PSTPIP2: variants seen among roughly 807,000 people sequenced by gnomAD.
PSTPIP2 encodes proline-serine-threonine phosphatase interacting protein 2, also known as proline-serine-threonine phosphatase-interacting protein 2.
In PSTPIP2, 33 loss-of-function variants were observed where a neutral mutation model predicts 63.3. The observed-to-expected ratio is 0.52, with a 90% confidence interval of 0.40 to 0.70. PSTPIP2 has a LOEUF of 0.70. Among genes scored for constraint, PSTPIP2 ranks in the 30% least tolerant of loss-of-function variants. The pLI, the probability that PSTPIP2 is intolerant of heterozygous loss-of-function variation, is 0.00. For missense variants in PSTPIP2, 312 were observed against 400.7 expected (o/e 0.78, Z 1.89); for synonymous variants, 125 against 132.7 (o/e 0.94, Z 0.40).
chr18:46,019,908 T>C (rs1380788078), intron 3 of PSTPIP2, among the ~76,000 whole-genome samples: 1 of 152,148 alleles, frequency 6.6e-6, no homozygotes, highest in East Asian at 1.9e-4. Flanking sequence ...CTTCAAAGAA[T>C]AGGAAAAAAA....
chr18:46,021,877 GA>G (rs1907373594), intron 3 of PSTPIP2, among the ~76,000 whole-genome samples: 1 of 66,856 alleles, frequency 1.5e-5, no homozygotes, highest in Non-Finnish European at 3.0e-5. Flanking sequence ...AAAAAAAAAA[GA>G]ACTGAAAATT....
At chr18:46,060,026 C>T (rs547008336) in intron 1 of PSTPIP2, among the ~76,000 whole-genome samples, 27 of 152,158 alleles carry the variant, frequency 1.8e-4, no homozygotes, top group Non-Finnish European at 2.9e-4. Flanking sequence ...AGTGAAACTC[C>T]GTCTCAAAAA....
intron 4 of PSTPIP2, among the ~76,000 whole-genome samples, chr18:46,013,284 GGAA>G (rs1339954637): frequency 6.6e-6 from 1 of 152,044 alleles, no homozygotes. Flanking sequence ...AGTTACGGAG[GGAA>G]GAAGACACCT....
At chr18:46,051,700 G>A (rs893933160) in intron 1 of PSTPIP2, among the ~76,000 whole-genome samples, 13 of 152,152 alleles carry the variant, frequency 8.5e-5, no homozygotes, top group Non-Finnish European at 1.8e-4. Context: ...CCAGGGACAT[G>A]AGAAATTCAA....
At chr18:46,004,563 G>A (rs947552348) in intron 6 of PSTPIP2, among the ~76,000 whole-genome samples, 2 of 151,972 alleles carry the variant, frequency 1.3e-5, no homozygotes, top group Non-Finnish European at 2.9e-5. Flanking sequence ...ATAGTAACAG[G>A]GTAAAATTGC....
chr18:46,005,404 T>A, intron 6 of PSTPIP2, 65 bp downstream of exon 6: 1 of 1,323,430 alleles, frequency 7.6e-7, no homozygotes, highest in South Asian at 1.3e-5. Flanking sequence ...AATATGTTCA[T>A]ACACAGCACA....
chr18:46,032,754 C>CAAAAAA (rs762015034), intron 2 of PSTPIP2, among the ~76,000 whole-genome samples: 1 of 50,154 alleles, frequency 2.0e-5, no homozygotes, highest in East Asian at 5.9e-4. Flanking sequence ...AACTCTGTGT[C>CAAAAAA]AAAAAAAAAA....
At chr18:45,994,124 T>C (rs984175630) in intron 9 of PSTPIP2, 11 of 194,546 alleles carry the variant, frequency 5.7e-5, no homozygotes, top group Non-Finnish European at 9.7e-5. Context: ...GATGAGTACA[T>C]GGGAGGCCGT....
intron 6 of PSTPIP2, among the ~76,000 whole-genome samples, chr18:46,002,618 G>A (rs2051679244): frequency 6.6e-6 from 1 of 151,916 alleles, no homozygotes; most frequent in Non-Finnish European, 1.5e-5. Flanking sequence ...TCTTTGCTGA[G>A]CTTTTCTATT....
intron 2 of PSTPIP2, 124 bp downstream of exon 2, chr18:46,039,823 T>C: frequency 1.2e-6 from 1 of 804,730 alleles, no homozygotes; most frequent in Non-Finnish European, 2.1e-6. Context: ...TATCATTCCA[T>C]AACCTAGAGC....
chr18:46,027,333 TAAATAAATAAAA>T (rs1460160736), intron 2 of PSTPIP2, among the ~76,000 whole-genome samples: 4 of 90,764 alleles, frequency 4.4e-5, no homozygotes, highest in African/African-American at 1.3e-4. Context: ...AATAAATAAA[TAAATAAATAAAA>T]ATATTAAAAA....
intron 2 of PSTPIP2, among the ~76,000 whole-genome samples, chr18:46,027,669 G>A (rs1907631974): frequency 6.6e-6 from 1 of 151,886 alleles, no homozygotes; most frequent in Non-Finnish European, 1.5e-5. Flanking sequence ...CAGCATGGAT[G>A]ACAAAGTAAG....
chr18:46,041,760 G>A (rs1475200670), intron 1 of PSTPIP2, among the ~76,000 whole-genome samples: 1 of 152,026 alleles, frequency 6.6e-6, no homozygotes, highest in Non-Finnish European at 1.5e-5. Context: ...GCATACAATG[G>A]GTTGTCTGAT....
chr18:46,068,805 T>C (rs1051038646), intron 1 of PSTPIP2, among the ~76,000 whole-genome samples: 1 of 152,104 alleles, frequency 6.6e-6, no homozygotes, highest in Non-Finnish European at 1.5e-5. Context: ...AAGAGATGAC[T>C]GTATAGAGAA....
intron 1 of PSTPIP2, among the ~76,000 whole-genome samples, chr18:46,046,122 T>C (rs891534956): frequency 2.0e-5 from 3 of 152,234 alleles, no homozygotes; most frequent in Non-Finnish European, 2.9e-5. Context: ...AATGGTAATC[T>C]TTCCAACAAA....
intron 9 of PSTPIP2, among the ~76,000 whole-genome samples, chr18:45,996,470 C>T (rs2051595256): frequency 6.6e-6 from 1 of 152,112 alleles, no homozygotes; most frequent in East Asian, 1.9e-4. Flanking sequence ...AGTCCTAGGA[C>T]CTCACTTTGA....
chr18:46,047,612 C>T (rs937612831), intron 1 of PSTPIP2, among the ~76,000 whole-genome samples: 2 of 152,052 alleles, frequency 1.3e-5, no homozygotes, highest in African/African-American at 2.4e-5. Flanking sequence ...ATCGCTTGAA[C>T]GTGGGAAACA....
At chr18:46,062,478 T>TAAAAAGAAAAAGAAAAAGAAAAAG (rs11270755) in intron 1 of PSTPIP2, among the ~76,000 whole-genome samples, 1 of 149,800 alleles carries the variant, frequency 6.7e-6, no homozygotes, top group African/African-American at 2.5e-5. Flanking sequence ...CCATCTCTAC[T>TAAAAAGAAAAAGAAAAAGAAAAAG]AAAAAGAAAA....
At chr18:46,046,952 T>C (rs1189204691) in intron 1 of PSTPIP2, among the ~76,000 whole-genome samples, 1 of 152,248 alleles carries the variant, frequency 6.6e-6, no homozygotes, top group African/African-American at 2.4e-5. Context: ...AACCACAACA[T>C]GTTCCACAAA....
Sources: allele counts gnomAD v4.1 joint callset (sites outside exome capture counted in the v4.1 genomes callset), GRCh38; gene constraint gnomAD v4.1.1; transcripts MANE v1.5; gene names NCBI Gene and HGNC (gene_info 2026-07-23, HGNC 2026-07-21).